KLHL18: variants seen among roughly 807,000 people sequenced by gnomAD.
The protein encoded by KLHL18 is kelch-like protein 18.
In KLHL18, 38 loss-of-function variants were observed where a neutral mutation model predicts 58.5. The ratio of observed to expected loss-of-function variants is 0.65; its 90% CI spans 0.50 to 0.85. The LOEUF (loss-of-function observed/expected upper bound fraction) is 0.85, where lower values mean the gene tolerates loss of function less well. Among genes scored for constraint, KLHL18 ranks in the 40% least tolerant of loss-of-function variants. The pLI, the probability that KLHL18 is intolerant of heterozygous loss-of-function variation, is 0.00. For synonymous variants in KLHL18, 303 were observed against 301.9 expected (o/e 1.00, Z -0.04); for missense variants, 624 against 778.4 (o/e 0.80, Z 2.36).
intron 1 of KLHL18, among the ~76,000 whole-genome samples, chr3:47,286,686 G>A (rs1371633566): frequency 6.6e-6 from 1 of 152,198 alleles, no homozygotes; most frequent in East Asian, 1.9e-4. Flanking sequence ...CGTTCTGAGA[G>A]CCATGGTTGT....
chr3:47,338,063 G>A (rs1704025423), intron 7 of KLHL18: 1 of 152,100 alleles, frequency 6.6e-6, no homozygotes, highest in African/African-American at 2.4e-5. Flanking sequence ...TTAAATTACA[G>A]GCTACCTTAA....
At chr3:47,290,453 G>A (rs1423022767) in intron 1 of KLHL18, among the ~76,000 whole-genome samples, 1 of 151,902 alleles carries the variant, frequency 6.6e-6, no homozygotes, top group Non-Finnish European at 1.5e-5. Context: ...TGTGTAGTTA[G>A]CTTTGTCTCC....
intron 1 of KLHL18, among the ~76,000 whole-genome samples, chr3:47,284,337 CTTT>C (rs767276527): frequency 3.9e-5 from 5 of 127,132 alleles, no homozygotes; most frequent in South Asian, 2.5e-4. Context: ...TTTCTTTTTT[CTTT>C]TTTTTTTTTT....
At chr3:47,343,405 G>A in intron 9 of KLHL18, 150 bp from the exon 10 acceptor site, 1 of 873,372 alleles carries the variant, frequency 1.1e-6, no homozygotes, top group Non-Finnish European at 1.7e-6. Flanking sequence ...GAGCAGGCCT[G>A]CAGCAGAGGG....
intron 1 of KLHL18, among the ~76,000 whole-genome samples, chr3:47,305,397 A>G (rs2107602922): frequency 1.1e-5 from 1 of 91,356 alleles, no homozygotes; most frequent in East Asian, 3.1e-4. Context: ...TCTTGAGTCT[A>G]TTAATATACT....
chr3:47,328,925 G>A (rs964819130), intron 3 of KLHL18, among the ~76,000 whole-genome samples: 1 of 151,968 alleles, frequency 6.6e-6, no homozygotes, highest in Non-Finnish European at 1.5e-5. Flanking sequence ...GAGTTCAGGA[G>A]TTCAAACCTG....
chr3:47,286,278 G>A (rs182223512), intron 1 of KLHL18, among the ~76,000 whole-genome samples: 1 of 152,316 alleles, frequency 6.6e-6, no homozygotes, highest in Admixed American at 6.5e-5. Flanking sequence ...GAGTAGCTCT[G>A]TAGCAATATA....
At chr3:47,331,744 T>A (rs1414595426) in intron 4 of KLHL18, among the ~76,000 whole-genome samples, 1 of 151,882 alleles carries the variant, frequency 6.6e-6, no homozygotes, top group African/African-American at 2.4e-5. Context: ...GACCTTTTTT[T>A]TTTTTTTTTA....
intron 1 of KLHL18, among the ~76,000 whole-genome samples, chr3:47,318,764 ACT>A (rs1703514714): frequency 1.3e-5 from 2 of 152,106 alleles, no homozygotes; most frequent in African/African-American, 2.4e-5. Flanking sequence ...TCATAGAACA[ACT>A]CTAAGAAATT....
chr3:47,297,599 T>C (rs1559487479), intron 1 of KLHL18: 1 of 456,612 alleles, frequency 2.2e-6, no homozygotes, highest in African/African-American at 2.0e-5. Flanking sequence ...AGGTCATGCT[T>C]TTCCACCTTT....
At chr3:47,319,892 C>T in intron 2 of KLHL18, 109 bp downstream of exon 2, 1 of 1,088,254 alleles carries the variant, frequency 9.2e-7, no homozygotes, top group Non-Finnish European at 1.3e-6. Flanking sequence ...AATAGCCTAG[C>T]TCTACACAAA....
In KLHL18 at chr3:47,334,780, G is replaced by A. The variant is rs1004624077; in HGVS notation, c.859G>A (p.Ala287Thr). ...CCGGCCACGCTGCTGCACATCCATC[G>A]CTGGACTTATCTACGCTGTAGGGGG... ...RTRPRCCTSI[A>T]GLIYAVGGLN... The change falls in exon 6 of 10, where the codon GCT becomes ACT. Residue 287 changes from alanine to threonine, a missense_variant. Physicochemically the swap from Ala to Thr is moderately conservative, Grantham distance 58. Transcript: ENST00000232766. The surrounding 1 kb of genome is among the most constrained non-coding windows in gnomAD (Gnocchi z 4.7). 8.1e-6 allele frequency: 13 copies of A among 1,613,914 alleles called. No homozygotes were observed. Among genetic ancestry groups the A allele is most frequent in the East Asian group, 2.2e-5 (1 of 44,888 alleles).
At chr3:47,309,736 A>G (rs1703247473) in intron 1 of KLHL18, among the ~76,000 whole-genome samples, 2 of 152,326 alleles carry the variant, frequency 1.3e-5, no homozygotes, top group South Asian at 2.1e-4. Context: ...ACGAGACTCC[A>G]TCTGCAATCC....
At chr3:47,321,856 T>C (rs1418086105) in intron 2 of KLHL18, among the ~76,000 whole-genome samples, 2 of 152,260 alleles carry the variant, frequency 1.3e-5, no homozygotes, top group Middle Eastern at 3.4e-3. Context: ...GAATGAGCCA[T>C]CTGGGGGAAG....
chr3:47,314,602 G>A (rs140197089), intron 1 of KLHL18, among the ~76,000 whole-genome samples: 152 of 151,756 alleles, frequency 1.0e-3, no homozygotes, highest in African/African-American at 3.1e-3. Flanking sequence ...CTGAGAGCTC[G>A]GATTACAGGC....
chr3:47,317,622 A>G (rs1352803723), intron 1 of KLHL18, among the ~76,000 whole-genome samples: 1 of 152,188 alleles, frequency 6.6e-6, no homozygotes, highest in Non-Finnish European at 1.5e-5. Flanking sequence ...CTCTAGGGAA[A>G]AGAAAAATTA....
chr3:47,294,294 T>G (rs7646252), intron 1 of KLHL18, among the ~76,000 whole-genome samples: 10,963 of 152,226 alleles, frequency 0.072, 1,312 homozygotes, highest in African/African-American at 0.25. Context: ...GCACCTTCCA[T>G]GTGCCAAGTA....
intron 4 of KLHL18, 48 bp downstream of exon 4, chr3:47,330,197 C>G (rs896543540): frequency 4.0e-6 from 6 of 1,506,150 alleles, no homozygotes; most frequent in Non-Finnish European, 4.6e-6. Flanking sequence ...AGATGCTGCT[C>G]TTTATAGTCA....
At position 47,336,625 on chromosome 3, in the gene KLHL18, G is replaced by C. The variant is rs1360283756; in HGVS notation, c.989G>C (p.Gly330Ala). ...ATGACAACAGCCCGCAGCCGCGTTG[G>C]CGTGGCTGTGGTGAACGGGCTTCTC... The part of the protein sequence containing the change: ...RPMTTARSRV[G>A]VAVVNGLLYA... The change falls in exon 7 of 10, where the codon GGC becomes GCC. Residue 330 changes from glycine to alanine, a missense_variant. By Grantham distance (60) the Gly-to-Ala change is moderately conservative. Coordinates refer to ENST00000232766, the MANE Select transcript of KLHL18 (RefSeq NM_025010.5). 6.2e-7 allele frequency: 1 copy of C among 1,614,236 alleles called. No individual in the cohort carries two copies. The highest frequency in any genetic ancestry group is 8.5e-7 in the Non-Finnish European group (1 of 1,180,020).
Sources: gnomAD v4.1 joint callset for allele counts (sites outside exome capture counted in the v4.1 genomes callset) on GRCh38, gnomAD v4.1.1 for gene constraint, Gnocchi (gnomAD v3.1) non-coding constraint, MANE v1.5 for transcripts, NCBI Gene and HGNC (gene_info 2026-07-23, HGNC 2026-07-21) for gene names.